KLF13: variants seen among roughly 807,000 people sequenced by gnomAD.
KLF13 encodes the protein KLF transcription factor 13, also known as Krueppel-like factor 13.
In KLF13, 8 loss-of-function variants were observed where a neutral mutation model predicts 16.7. That is an observed-to-expected ratio of 0.48 (90% CI 0.28 to 0.87). KLF13 has a LOEUF of 0.87. KLF13 is among the 40% of genes least tolerant of loss of function. KLF13 has a pLI of 0.10. For missense variants in KLF13, 447 were observed against 452.2 expected (o/e 0.99, Z 0.10); for synonymous variants, 245 against 208.4 (o/e 1.18, Z -1.51).
Position 31,372,240 on chromosome 15 carries a change from A to G in KLF13, c.808A>G (p.Ser270Gly). Residue 270 changes from serine (S) to glycine (G), a missense_variant, in exon 2 of 2, where the codon AGC becomes GGC. Coordinates refer to ENST00000307145, the MANE Select transcript of KLF13 (RefSeq NM_015995.4). ...RGGGSRTGSL[S>G]DYSRSDASSP... ...CGGGGGCTCGCGGACCGGCTCCCTC[A>G]GCGACTACAGCCGCTCCGACGCCAG... 1 of 1,579,008 alleles carries G rather than the reference A, an allele frequency of 6.3e-7. No individual in the cohort carries two copies. The highest frequency in any genetic ancestry group is 8.6e-7 in the Non-Finnish European group (1 of 1,168,866).
At chr15:31,362,067 A>T (rs946441487) in intron 1 of KLF13, among the ~76,000 whole-genome samples, 3 of 152,120 alleles carry the variant, frequency 2.0e-5, no homozygotes, top group African/African-American at 7.2e-5. Context: ...CCTAGCTGCC[A>T]TCCACCTGGG....
intron 1 of KLF13, among the ~76,000 whole-genome samples, chr15:31,328,246 A>C (rs1015365966): frequency 6.7e-5 from 10 of 150,252 alleles, no homozygotes; most frequent in African/African-American, 2.0e-4. Flanking sequence ...GCGCGCGCTC[A>C]GGAGGGGAGG....
chr15:31,382,785 G>A (rs931544594), downstream of KLF13, among the ~76,000 whole-genome samples: 1 of 152,188 alleles, frequency 6.6e-6, no homozygotes, highest in African/African-American at 2.4e-5. Flanking sequence ...GACTCCCTGT[G>A]CCCAGGCTGC....
intron 1 of KLF13, among the ~76,000 whole-genome samples, chr15:31,339,007 A>G (rs748811036): frequency 2.0e-5 from 3 of 152,072 alleles, no homozygotes; most frequent in African/African-American, 7.2e-5. Context: ...CCTGGGAGAC[A>G]CTGTGGGGGA....
Position 31,430,232 on chromosome 15 carries a change from G to A in KLF13, n.118-5138G>A, listed in dbSNP as rs563900979. The stretch of plus-strand genomic sequence containing the variant: ...AGTCACAAAGTGAAAGAAGATATTT[G>A]CAGTACATACACCCAGCAAAGAGGT... On this transcript the variant is annotated intron_variant and non_coding_transcript_variant, in intron 1 of 1. Coordinates refer to the KLF13 transcript ENST00000558225. 4.1e-4 allele frequency among the ~76,000 whole-genome samples: 62 copies of A among 152,120 alleles called. 1 individual carries two copies. The highest frequency in any genetic ancestry group is 1.4e-3 in the African/African-American group (59 of 41,512).
chr15:31,396,072 CTGGAGTGCAATGGCGCGATCT>C lies in KLF13; in HGVS notation n.529+2385_529+2405del, dbSNP rs2039948308. ...CGGAGTTTCGCTCTTGTTTCCCATG[CTGGAGTGCAATGGCGCGATCT>C]TGGCTCAATGCAACCTCCGTCTCCT... On this transcript the variant is annotated intron_variant and non_coding_transcript_variant, in intron 2 of 2. Coordinates refer to the KLF13 transcript ENST00000500533. 2.0e-5 allele frequency among the ~76,000 whole-genome samples: 3 copies of C among 152,178 alleles called. No homozygotes were observed. The South Asian group carries it at 6.2e-4, about 31-fold the overall frequency.
rs371896440 is a variant in KLF13, at chr15:31,423,164, T to TACGTGTATATAC, written n.118-12206_118-12205insACGTGTATATAC. Reference sequence around the variant, plus strand: ...GTATACGTATATATACGTATATATATGTATATATATACATATATACGTATA... The same window carrying TACGTGTATATAC: ...GTATACGTATATATACGTATATATATACGTGTATATACGTATATATATACATATATACGTATA... On this transcript the variant is annotated intron_variant and non_coding_transcript_variant, in intron 1 of 1. Transcript: ENST00000558225. 7.5e-4 allele frequency among the ~76,000 whole-genome samples: 19 copies of TACGTGTATATAC among 25,370 alleles called. 2 individuals are homozygous for TACGTGTATATAC. The highest frequency in any genetic ancestry group is 6.1e-3 in the African/African-American group (17 of 2,800). 16.6% of individuals were successfully genotyped at this position (25,370 alleles called of 152,430 possible). A position where few individuals can be genotyped will look rare whatever the true frequency, so the allele number is the denominator to read the frequency against.
chr15:31,424,592 C>A (rs2141011591), intron 1 of KLF13, among the ~76,000 whole-genome samples: 1 of 152,122 alleles, frequency 6.6e-6, no homozygotes, highest in African/African-American at 2.4e-5. Flanking sequence ...ATGATAAAAA[C>A]ACCTGACAAA....
intron 1 of KLF13, among the ~76,000 whole-genome samples, chr15:31,429,694 CTTTTATTT>C (rs753468522): frequency 2.1e-4 from 30 of 142,460 alleles, no homozygotes; most frequent in Non-Finnish European, 4.4e-4. Flanking sequence ...GAGAAAGATT[CTTTTATTT>C]ATTTATTTAT....
intron 1 of KLF13, among the ~76,000 whole-genome samples, chr15:31,336,745 G>A (rs2038935993): frequency 6.6e-6 from 1 of 152,086 alleles, no homozygotes; most frequent in Non-Finnish European, 1.5e-5. Context: ...CTGGGAGTGG[G>A]GCAGAGGGCA....
intron 1 of KLF13, among the ~76,000 whole-genome samples, chr15:31,335,122 C>G (rs1056841568): frequency 6.6e-6 from 1 of 151,986 alleles, no homozygotes; most frequent in African/African-American, 2.4e-5. Flanking sequence ...CTCATGCTTG[C>G]TGAATGGGGG....
At position 31,428,178 on chromosome 15, in the gene KLF13, A is replaced by C. The variant is rs561152873; in HGVS notation, n.118-7192A>C. 2.6e-5 allele frequency among the ~76,000 whole-genome samples: 4 copies of C among 152,326 alleles called. No homozygotes were observed. In the East Asian group the frequency reaches 7.7e-4, roughly 29 times the overall value. ...ATCTAAAGTAGTTAAACTCTTAGAA[A>C]GTAGAATGGTGGTTGCCAGGACCTG... On this transcript the variant is annotated intron_variant and non_coding_transcript_variant, in intron 1 of 1. Transcript: ENST00000558225.
chr15:31,406,772 A>G (rs57427482), downstream of KLF13, among the ~76,000 whole-genome samples: 4,911 of 152,210 alleles, frequency 0.032, 254 homozygotes, highest in African/African-American at 0.11. Context: ...TTGTAGACCT[A>G]TATATTTTCA....
At chr15:31,346,479 C>A (rs944758813) in intron 1 of KLF13, among the ~76,000 whole-genome samples, 1 of 152,196 alleles carries the variant, frequency 6.6e-6, no homozygotes, top group Non-Finnish European at 1.5e-5. Flanking sequence ...CTGTGGAAAG[C>A]CCCCAGGCCA....
chr15:31,395,168 T>TAA (rs1207385135), intron 2 of KLF13, among the ~76,000 whole-genome samples: 4 of 152,118 alleles, frequency 2.6e-5, no homozygotes, highest in Non-Finnish European at 5.9e-5. Flanking sequence ...TTAGTAGAGA[T>TAA]GGCGTTTCAC....
chr15:31,416,501 A>C (rs1310964895), intron 1 of KLF13, among the ~76,000 whole-genome samples: 2 of 152,206 alleles, frequency 1.3e-5, no homozygotes, highest in Non-Finnish European at 2.9e-5. Context: ...TTTTAAAAAT[A>C]ATTAATGTAA....
intron 1 of KLF13, among the ~76,000 whole-genome samples, chr15:31,413,066 G>C (rs1218943345): frequency 1.3e-5 from 2 of 151,482 alleles, no homozygotes; most frequent in Non-Finnish European, 2.9e-5. Flanking sequence ...GAAAACAAAA[G>C]AACAATCATT....
chr15:31,335,130 G>A (rs2038906338), intron 1 of KLF13, among the ~76,000 whole-genome samples: 1 of 152,060 alleles, frequency 6.6e-6, no homozygotes, highest in African/African-American at 2.4e-5. Context: ...TGCTGAATGG[G>A]GGAGCATCCA....
At chr15:31,397,534 A>C (rs1215517051) in intron 2 of KLF13, among the ~76,000 whole-genome samples, 1 of 152,162 alleles carries the variant, frequency 6.6e-6, no homozygotes, top group Non-Finnish European at 1.5e-5. Flanking sequence ...GGGCGCTGGG[A>C]AGTTCCTGGG....
Sources: allele counts gnomAD v4.1 joint callset (sites outside exome capture counted in the v4.1 genomes callset), GRCh38; gene constraint gnomAD v4.1.1; transcripts MANE v1.5; gene names NCBI Gene and HGNC (gene_info 2026-07-23, HGNC 2026-07-21).